The following BCAS3 variants were observed in gnomAD, a reference collection of about 807,000 sequenced individuals.
BCAS3 encodes the protein BCAS4/BCAS3 fusion.
A neutral mutation model predicts 116.1 loss-of-function variants in BCAS3; 53 were observed. The observed-to-expected ratio is 0.46, with a 90% CI of 0.37 to 0.57. BCAS3 has a LOEUF of 0.57. BCAS3 is among the 20% of genes least tolerant of loss of function. The pLI is 0.00. For missense variants in BCAS3, 917 were observed against 1,165.4 expected (o/e 0.79, Z 3.10); for synonymous variants, 391 against 408.2 (o/e 0.96, Z 0.51).
At chr17:61,031,320 A>G (rs1198011678) in intron 16 of BCAS3, among the ~76,000 whole-genome samples, 8 of 152,224 alleles carry the variant, frequency 5.3e-5, no homozygotes, top group Middle Eastern at 3.4e-3. Flanking sequence ...CTTTCTGTCA[A>G]CAAAAGGTTA....
chr17:61,147,383 G>C (rs983887677), intron 22 of BCAS3, among the ~76,000 whole-genome samples: 3 of 151,750 alleles, frequency 2.0e-5, no homozygotes, highest in African/African-American at 7.3e-5. Context: ...GCCATACCTG[G>C]CTAATTTTTG....
chr17:60,833,029 A>G (rs1005989841), intron 7 of BCAS3, among the ~76,000 whole-genome samples: 2 of 152,220 alleles, frequency 1.3e-5, no homozygotes, highest in African/African-American at 4.8e-5. Flanking sequence ...GTCATTTTAT[A>G]TAATCTATTT....
intron 22 of BCAS3, among the ~76,000 whole-genome samples, chr17:61,280,106 A>G (rs1224146966): frequency 6.6e-6 from 1 of 152,104 alleles, no homozygotes; most frequent in Admixed American, 6.5e-5. Flanking sequence ...GAACTCTTCT[A>G]CTCCAAACCT....
intron 5 of BCAS3, among the ~76,000 whole-genome samples, chr17:60,728,277 T>A (rs1359307502): frequency 2.0e-5 from 3 of 152,144 alleles, no homozygotes. Flanking sequence ...CTTTTTATCA[T>A]GTCCATTCTT....
intron 22 of BCAS3, among the ~76,000 whole-genome samples, chr17:61,175,908 GA>G (rs1457967618): frequency 2.6e-5 from 4 of 152,128 alleles, no homozygotes; most frequent in Non-Finnish European, 5.9e-5. Context: ...GACTGAGGCA[GA>G]AGGGTTGCTT....
At position 61,365,346 on chromosome 17, in the gene BCAS3, G is replaced by C. The variant is rs182472394; in HGVS notation, c.2426-2981G>C. Among the ~76,000 whole-genome samples the C allele has an allele frequency of 2.8e-4, 42 of 152,104 alleles. 1 individual carries two copies. The highest frequency in any genetic ancestry group is 8.7e-4 in the African/African-American group (36 of 41,494). On this transcript the variant is annotated intron_variant, in intron 22 of 23. Coordinates refer to ENST00000407086, the MANE Select transcript of BCAS3 (RefSeq NM_017679.5). The surrounding 1 kb of genome is among the most constrained non-coding windows in gnomAD (Gnocchi z 4.6). ...ATTGATTGATTGATTGACTGATTGA[G>C]TGATTGACTGAGAGTCTCACTCTGT...
chr17:61,213,457 C>T lies in BCAS3; in HGVS notation c.2425+128893C>T, dbSNP rs933184586. Among the ~76,000 whole-genome samples the T allele has an allele frequency of 6.6e-6, 1 of 152,056 alleles. No homozygotes were observed. Among genetic ancestry groups the T allele is most frequent in the African/African-American group, 2.4e-5 (1 of 41,390 alleles). Reference sequence around the variant, plus strand: ...TGCTGGGATTACAGGTGTGAGCCACCGCGCCTGGCCTATTCATATATTTTT... The same window carrying T: ...TGCTGGGATTACAGGTGTGAGCCACTGCGCCTGGCCTATTCATATATTTTT... On this transcript the variant is annotated intron_variant, in intron 22 of 23. Coordinates refer to ENST00000407086, the MANE Select transcript of BCAS3 (RefSeq NM_017679.5). This position sits in a 1 kb window ranked among gnomAD's most constrained non-coding sequence, Gnocchi z 5.4.
chr17:60,704,388 A>AC (rs1236517369), intron 4 of BCAS3, among the ~76,000 whole-genome samples: 3 of 152,152 alleles, frequency 2.0e-5, no homozygotes, highest in Non-Finnish European at 4.4e-5. Context: ...AATGCTGCTA[A>AC]CCCCTGAGCC....
At chr17:61,052,478 G>A (rs2068949734) in intron 19 of BCAS3, among the ~76,000 whole-genome samples, 1 of 152,104 alleles carries the variant, frequency 6.6e-6, no homozygotes, top group African/African-American at 2.4e-5. Flanking sequence ...GAAGGCAGCA[G>A]ATGAGAAGTA....
intron 5 of BCAS3, among the ~76,000 whole-genome samples, chr17:60,718,141 C>T (rs959494823): frequency 2.6e-5 from 4 of 152,198 alleles, no homozygotes; most frequent in African/African-American, 9.6e-5. Context: ...TGAAGCTTCG[C>T]TTTTGCTTGC....
chr17:61,044,230 G>A (rs1044469606), intron 19 of BCAS3, among the ~76,000 whole-genome samples: 2 of 151,742 alleles, frequency 1.3e-5, no homozygotes, highest in African/African-American at 4.8e-5. Context: ...GGCAGATCAC[G>A]AGTTCAGGAG....
At chr17:61,129,804 A>C (rs762037577) in intron 22 of BCAS3, among the ~76,000 whole-genome samples, 1 of 152,208 alleles carries the variant, frequency 6.6e-6, no homozygotes, top group Non-Finnish European at 1.5e-5. Context: ...TTACAATCTG[A>C]GTATTCCTTC....
chr17:61,286,353 C>T lies in BCAS3; in HGVS notation c.2426-81974C>T, dbSNP rs184478619. The stretch of plus-strand genomic sequence containing the variant: ...TGAAGCAGAGGTTGCTGGGTTTATA[C>T]TGATGTCTGCGCCCACTCCTGTGCT... On this transcript the variant is annotated intron_variant, in intron 22 of 23. Transcript: ENST00000407086. The surrounding 1 kb of genome is among the most constrained non-coding windows in gnomAD (Gnocchi z 4.8). Among the ~76,000 whole-genome samples the T allele has an allele frequency of 1.3e-4, 20 of 152,300 alleles. 1 individual carries two copies. The highest frequency in any genetic ancestry group is 1.0e-3 in the Admixed American group (16 of 15,294).
chr17:61,102,303 T>G (rs1271424085), intron 22 of BCAS3, among the ~76,000 whole-genome samples: 2 of 152,166 alleles, frequency 1.3e-5, no homozygotes, highest in African/African-American at 4.8e-5. Context: ...TTAACATCTG[T>G]TTTTAAATCT....
chr17:61,172,756 C>T (rs1050075516), intron 22 of BCAS3, among the ~76,000 whole-genome samples: 72 of 151,802 alleles, frequency 4.7e-4, no homozygotes, highest in Non-Finnish European at 9.4e-4. Context: ...GAGGCCAAGG[C>T]GGGCGGATCA....
rs779959458 is a variant in BCAS3, at chr17:60,684,047, A to G, written c.138+11A>G. 46 of 1,612,862 alleles carry G rather than the reference A, an allele frequency of 2.9e-5. No individual in the cohort carries two copies. The East Asian group carries it at 8.5e-4, about 30-fold the overall frequency. On this transcript the variant is annotated intron_variant, in intron 3 of 23. Coordinates refer to ENST00000407086, the MANE Select transcript of BCAS3 (RefSeq NM_017679.5). Reference sequence around the variant, plus strand: ...GATGTTGTGCCACAGGTAAGTGTCTATATGTGCTTTCGCCTTTCCCTTTGG... The same window carrying G: ...GATGTTGTGCCACAGGTAAGTGTCTGTATGTGCTTTCGCCTTTCCCTTTGG...
chr17:61,283,688 C>T (rs1031915157), intron 22 of BCAS3, among the ~76,000 whole-genome samples: 10 of 152,040 alleles, frequency 6.6e-5, no homozygotes, highest in African/African-American at 1.4e-4. Flanking sequence ...CTTCTGACCT[C>T]GTAATCCACC....
intron 22 of BCAS3, among the ~76,000 whole-genome samples, chr17:61,242,362 G>A (rs1464277829): frequency 1.3e-5 from 2 of 151,976 alleles, no homozygotes; most frequent in Non-Finnish European, 2.9e-5. Flanking sequence ...ATGTGTGCTG[G>A]TTAGCCCTTT....
At chr17:61,237,459 C>G (rs909795269) in intron 22 of BCAS3, among the ~76,000 whole-genome samples, 2 of 152,208 alleles carry the variant, frequency 1.3e-5, no homozygotes, top group Non-Finnish European at 2.9e-5. Flanking sequence ...CCGCCAGCAG[C>G]GGCAACCCAC....
Sources: gnomAD v4.1 joint callset for allele counts (sites outside exome capture counted in the v4.1 genomes callset) on GRCh38, gnomAD v4.1.1 for gene constraint, Gnocchi (gnomAD v3.1) non-coding constraint, MANE v1.5 for transcripts, NCBI Gene and HGNC (gene_info 2026-07-23, HGNC 2026-07-21) for gene names.